The following HCK variants were observed in gnomAD, a reference collection of about 807,000 sequenced individuals.
HCK encodes HCK proto-oncogene, Src family tyrosine kinase, also known as tyrosine-protein kinase HCK.
A neutral mutation model predicts 70.4 loss-of-function variants in HCK; 40 were observed. That is an observed-to-expected ratio of 0.57 (90% CI 0.44 to 0.74). HCK has a LOEUF of 0.74. Among genes scored for constraint, HCK ranks in the 30% least tolerant of loss-of-function variants. The probability of loss-of-function intolerance (pLI) is 0.00; values close to 1 mark genes in which losing one functional copy is unlikely to be tolerated. For missense variants in HCK, 568 were observed against 697.2 expected, an observed-to-expected ratio of 0.81 and a Z score of 2.09; for synonymous variants, 245 against 263.2, an observed-to-expected ratio of 0.93 and a Z score of 0.67.
At chr20:32,076,947 G>A (rs929069400) in intron 5 of HCK, among the ~76,000 whole-genome samples, 7 of 152,112 alleles carry the variant, frequency 4.6e-5, no homozygotes, top group African/African-American at 1.7e-4. Context: ...TTAGCCAGGT[G>A]TGATGGCGGG....
At chr20:32,078,856 C>CAAAAAA (rs368194350) in intron 5 of HCK, among the ~76,000 whole-genome samples, 72 of 36,100 alleles carry the variant, frequency 2.0e-3, no homozygotes, top group African/African-American at 5.0e-3. Context: ...GACTCAGTCT[C>CAAAAAA]AAAAAAAAAA....
intron 11 of HCK, among the ~76,000 whole-genome samples, chr20:32,095,145 G>GT (rs1472297172): frequency 6.6e-6 from 1 of 152,206 alleles, no homozygotes; most frequent in Non-Finnish European, 1.5e-5. Context: ...ATGGAATGAA[G>GT]TACTACGCCA....
In HCK at chr20:32,071,602, A is replaced by G. The variant is rs935186972; in HGVS notation, c.63-60A>G. The G allele has an allele frequency of 1.0e-5, 16 of 1,591,272 alleles. No homozygotes were observed. The African/African-American group carries it at 2.0e-4, about 20-fold the overall frequency. The stretch of plus-strand genomic sequence containing the variant: ...AGGGGACCTGGAATGCCAGCATCAG[A>G]AGACTTCCCCGCATGAGGCTCTTGG... On this transcript the variant is annotated intron_variant, in intron 1 of 12. Coordinates refer to ENST00000375852, the MANE Select transcript of HCK (RefSeq NM_002110.5).
chr20:32,068,408 A>AAAAAT (rs201530129), intron 1 of HCK, among the ~76,000 whole-genome samples: 1 of 151,984 alleles, frequency 6.6e-6, no homozygotes, highest in African/African-American at 2.4e-5. Flanking sequence ...TAAAAAAGGA[A>AAAAAT]AAAATAAAAT....
Position 32,084,093 on chromosome 20 carries a change from T to C in HCK, c.682+50T>C, listed in dbSNP as rs747662259. On this transcript the variant is annotated intron_variant, in intron 7 of 12. Coordinates refer to ENST00000375852, the MANE Select transcript of HCK (RefSeq NM_002110.5). ...TCCCCACCACGATGGGCCCACAGAC[T>C]CCTAGTCACGGATGCACTGTGGCCC... 2.5e-6 allele frequency: 4 copies of C among 1,588,628 alleles called. No homozygotes were observed. The East Asian group carries it at 9.0e-5, about 36-fold the overall frequency.
At chr20:32,069,017 T>C (rs1461911273) in intron 1 of HCK, among the ~76,000 whole-genome samples, 1 of 152,182 alleles carries the variant, frequency 6.6e-6, no homozygotes, top group African/African-American at 2.4e-5. Flanking sequence ...AGCGAACTTC[T>C]CCAGTGTTGC....
intron 1 of HCK, among the ~76,000 whole-genome samples, chr20:32,066,331 T>TTTTTGA (rs60044994): frequency 0.01 from 824 of 81,888 alleles, 204 homozygotes; most frequent in South Asian, 0.02. Flanking sequence ...TTTTTTTTTT[T>TTTTTGA]GACAGAGTCT....
chr20:32,077,125 T>A (rs1013850265), intron 5 of HCK, among the ~76,000 whole-genome samples: 3 of 152,088 alleles, frequency 2.0e-5, no homozygotes, highest in African/African-American at 7.2e-5. Flanking sequence ...CACATATGTG[T>A]CCTTTCAGGG....
At position 32,071,746 on chromosome 20, in the gene HCK, T is replaced by G; in HGVS notation, c.147T>G (p.Pro49=). Reference sequence around the variant, plus strand: ...AAACCAGCGCCAGCCCACACTGTCCTGTGTACGTGCCGGATCCCACATCCA... The same window carrying G: ...AAACCAGCGCCAGCCCACACTGTCCGGTGTACGTGCCGGATCCCACATCCA... Residue 49 remains proline (P), a synonymous_variant, in exon 2 of 13, where the codon CCT becomes CCG. Coordinates refer to ENST00000375852, the MANE Select transcript of HCK (RefSeq NM_002110.5). The G allele has an allele frequency of 3.7e-6, 6 of 1,614,012 alleles. No individual in the cohort carries two copies. The highest frequency in any genetic ancestry group is 5.1e-6 in the Non-Finnish European group (6 of 1,179,992).
chr20:32,052,495 C>A lies in HCK; in HGVS notation c.62+9C>A. The stretch of plus-strand genomic sequence containing the variant: ...GAGGAGCGGGCGCCCAGGTGAGTGC[C>A]GCGCACAGGGGACCGGGAATACCCG... On this transcript the variant is annotated intron_variant, in intron 1 of 12. Coordinates refer to ENST00000375852, the MANE Select transcript of HCK (RefSeq NM_002110.5). 1 of 1,264,048 alleles carries A rather than the reference C, an allele frequency of 7.9e-7. No homozygotes were observed. Among genetic ancestry groups the A allele is most frequent in the South Asian group, 3.3e-5 (1 of 30,680 alleles). 78.3% of individuals were successfully genotyped at this position (1,264,048 alleles called of 1,614,324 possible).
chr20:32,058,206 T>C (rs2045302579), intron 1 of HCK, among the ~76,000 whole-genome samples: 1 of 135,772 alleles, frequency 7.4e-6, no homozygotes, highest in East Asian at 2.2e-4. Flanking sequence ...ATCTCTTCCC[T>C]TTCTGAGCCT....
chr20:32,066,726 A>T (rs1600713472), intron 1 of HCK, among the ~76,000 whole-genome samples: 1 of 152,236 alleles, frequency 6.6e-6, no homozygotes, highest in Admixed American at 6.5e-5. Context: ...TCTTATGGTG[A>T]TGTTGTACAA....
chr20:32,086,101 GCTCCGT>G (rs2122584713), intron 8 of HCK, among the ~76,000 whole-genome samples: 1 of 152,224 alleles, frequency 6.6e-6, no homozygotes, highest in Non-Finnish European at 1.5e-5. Context: ...CTCACTGCAA[GCTCCGT>G]CTCCTGGGTT....
intron 1 of HCK, among the ~76,000 whole-genome samples, chr20:32,063,870 G>A (rs1037016752): frequency 6.6e-5 from 10 of 151,684 alleles, no homozygotes; most frequent in Non-Finnish European, 1.5e-4. Context: ...TTAATCCAAG[G>A]CTGAGAGTCT....
At chr20:32,063,931 A>G (rs2045416997) in intron 1 of HCK, among the ~76,000 whole-genome samples, 1 of 147,204 alleles carries the variant, frequency 6.8e-6, no homozygotes, top group Non-Finnish European at 1.5e-5. Flanking sequence ...CTTTTTTTCC[A>G]GCTAGAAACC....
At chr20:32,096,784 G>T (rs538718492) in intron 11 of HCK, among the ~76,000 whole-genome samples, 1 of 152,096 alleles carries the variant, frequency 6.6e-6, no homozygotes, top group African/African-American at 2.4e-5. Flanking sequence ...TTACAGGCAT[G>T]AGCCACTATG....
intron 6 of HCK, among the ~76,000 whole-genome samples, chr20:32,080,963 T>G (rs1036632507): frequency 6.6e-6 from 1 of 151,944 alleles, no homozygotes; most frequent in African/African-American, 2.4e-5. Flanking sequence ...GTGGTGCACA[T>G]CTGTACTCCC....
At chr20:32,080,714 G>A (rs114698088) in intron 6 of HCK, among the ~76,000 whole-genome samples, 1,748 of 152,180 alleles carry the variant, frequency 0.011, 45 homozygotes, top group African/African-American at 0.039. Context: ...GTTTTGCCAT[G>A]TTGCCTAGGC....
At chr20:32,073,207 C>T (rs547524368) in intron 2 of HCK, 112 bp from the exon 3 acceptor site, 100 of 870,496 alleles carry the variant, frequency 1.1e-4, no homozygotes, top group African/African-American at 5.8e-4. Flanking sequence ...CCTCCTCCCA[C>T]GACATGCAGG....
Sources: gnomAD v4.1 joint callset for allele counts (sites outside exome capture counted in the v4.1 genomes callset) on GRCh38, gnomAD v4.1.1 for gene constraint, MANE v1.5 for transcripts, NCBI Gene and HGNC (gene_info 2026-07-23, HGNC 2026-07-21) for gene names.